ATXN10: variants seen among roughly 807,000 people sequenced by gnomAD.
The protein encoded by ATXN10 is ataxin-10.
Under a neutral mutation model 52.9 loss-of-function variants are expected in ATXN10, and 28 were observed. The observed-to-expected ratio is 0.53, with a 90% confidence interval of 0.39 to 0.73. The LOEUF (loss-of-function observed/expected upper bound fraction) is 0.73. Ranked by LOEUF, ATXN10 falls within the 30% of genes least tolerant of loss-of-function variation. The pLI, the probability that ATXN10 is intolerant of heterozygous loss-of-function variation, is 0.00. For missense variants in ATXN10, 565 were observed against 577.0 expected, an observed-to-expected ratio of 0.98 and a Z score of 0.21; for synonymous variants, 226 against 221.5, an observed-to-expected ratio of 1.02 and a Z score of -0.18.
At chr22:45,685,418 C>A (rs925378083) in intron 1 of ATXN10, among the ~76,000 whole-genome samples, 1 of 152,118 alleles carries the variant, frequency 6.6e-6, no homozygotes, top group African/African-American at 2.4e-5. Context: ...AAGTACTTTC[C>A]GCCTTCTGTG....
Position 45,753,081 on chromosome 22 carries a change from T to A in ATXN10, c.1173+12543T>A, listed in dbSNP as rs1446244092. On this transcript the variant is annotated intron_variant, in intron 9 of 11. Coordinates refer to ENST00000252934, the MANE Select transcript of ATXN10 (RefSeq NM_013236.4). ...TTGTCCATCTTCGTCTTGAGTCATT[T>A]AAGACACTTATTTTCTCTTGGAGAT... 3.3e-5 allele frequency among the ~76,000 whole-genome samples: 5 copies of A among 152,158 alleles called. No homozygotes were observed. The East Asian group carries it at 9.7e-4, about 29-fold the overall frequency.
chr22:45,714,881 T>C (rs1924387903), intron 5 of ATXN10, among the ~76,000 whole-genome samples: 1 of 152,210 alleles, frequency 6.6e-6, no homozygotes, highest in Non-Finnish European at 1.5e-5. Flanking sequence ...AAGGTTGCAG[T>C]GTGGATTCAC....
At position 45,819,292 on chromosome 22, in the gene ATXN10, A is replaced by T. The variant is rs753408705; in HGVS notation, c.1237+12270A>T. On this transcript the variant is annotated intron_variant, in intron 10 of 11. Transcript: ENST00000252934. The surrounding 1 kb of genome is among the most constrained non-coding windows in gnomAD (Gnocchi z 4.5). ...TAACTTTGTATTTTAGAAATTTTGT[A>T]TCTGATGTATAAGATCAGATCATAA... Among the ~76,000 whole-genome samples the T allele has an allele frequency of 6.6e-6, 1 of 152,192 alleles. No homozygotes were observed.
In ATXN10 at chr22:45,718,429, G is replaced by GAC; in HGVS notation, c.665_666dup (p.Leu223ThrfsTer4). On this transcript the variant is annotated frameshift_variant, in exon 6 of 12. Coordinates refer to ENST00000252934, the MANE Select transcript of ATXN10 (RefSeq NM_013236.4). LOFTEE classifies it high-confidence loss of function. This position sits in a 1 kb window ranked among gnomAD's most constrained non-coding sequence, Gnocchi z 4.4. ...TTTCCCTAGGTTCTTGATTATTACA[G>GAC]ACCTCTTTCTGAAAAGCCCGGAATT... The GAC allele has an allele frequency of 1.2e-6, 2 of 1,613,426 alleles. No individual in the cohort carries two copies. Among genetic ancestry groups the GAC allele is most frequent in the Non-Finnish European group, 1.7e-6 (2 of 1,179,560 alleles).
At chr22:45,779,183 C>T (rs1287300236) in intron 9 of ATXN10, among the ~76,000 whole-genome samples, 2 of 152,162 alleles carry the variant, frequency 1.3e-5, no homozygotes, top group Non-Finnish European at 2.9e-5. Context: ...GAAGCAACAC[C>T]TCTATTTCTT....
At chr22:45,832,338 T>C (rs911505501) in intron 10 of ATXN10, among the ~76,000 whole-genome samples, 17 of 152,214 alleles carry the variant, frequency 1.1e-4, no homozygotes, top group Admixed American at 9.8e-4. Context: ...TGTTCCTCCA[T>C]GTGGAGGCGC....
chr22:45,830,694 GAAA>G, intron 10 of ATXN10, among the ~76,000 whole-genome samples: 1 of 115,614 alleles, frequency 8.6e-6, no homozygotes, highest in African/African-American at 3.2e-5. Context: ...TACAAAACAA[GAAA>G]AAAAAAAAAA....
intron 4 of ATXN10, among the ~76,000 whole-genome samples, chr22:45,700,896 A>G (rs1923817090): frequency 6.6e-6 from 1 of 152,238 alleles, no homozygotes; most frequent in South Asian, 2.1e-4. Context: ...GTGAGTAACC[A>G]GTCCATTTAT....
intron 10 of ATXN10, chr22:45,811,708 C>T (rs564125547): frequency 4.2e-6 from 2 of 471,008 alleles, no homozygotes; most frequent in Non-Finnish European, 8.8e-6. Context: ...TGCCACCATC[C>T]AGTCCACACT....
intron 9 of ATXN10, among the ~76,000 whole-genome samples, chr22:45,749,940 A>G (rs1354174673): frequency 6.6e-6 from 1 of 152,032 alleles, no homozygotes; most frequent in African/African-American, 2.4e-5. Context: ...AGCATAATTT[A>G]CCCCATACTG....
Position 45,686,623 on chromosome 22 carries a change from G to A in ATXN10, c.117-3089G>A, listed in dbSNP as rs544581764. Among the ~76,000 whole-genome samples the A allele has an allele frequency of 2.2e-4, 33 of 152,174 alleles. No individual in the cohort carries two copies. In the South Asian group the frequency reaches 6.7e-3, roughly 31 times the overall value. On this transcript the variant is annotated intron_variant, in intron 1 of 11. Coordinates refer to ENST00000252934, the MANE Select transcript of ATXN10 (RefSeq NM_013236.4). ...TCACGAGGTCAGGAGACCGAGACCA[G>A]CCTGACCAAAATGGTGAAACCCTGT...
chr22:45,836,881 A>G (rs1263238281), intron 10 of ATXN10, among the ~76,000 whole-genome samples: 1 of 152,196 alleles, frequency 6.6e-6, no homozygotes, highest in Non-Finnish European at 1.5e-5. Context: ...ACCTTTTTCT[A>G]ACAGGGCAGA....
chr22:45,749,169 C>G (rs373732435), intron 9 of ATXN10, among the ~76,000 whole-genome samples: 36 of 152,338 alleles, frequency 2.4e-4, no homozygotes, highest in African/African-American at 8.4e-4. Flanking sequence ...GCATATTCCT[C>G]CCTAGGCTTT....
intron 9 of ATXN10, among the ~76,000 whole-genome samples, chr22:45,804,055 C>G (rs922471922): frequency 2.6e-5 from 4 of 152,090 alleles, no homozygotes; most frequent in South Asian, 4.2e-4. Flanking sequence ...AAAAATAAAT[C>G]TAAAAAAAGG....
chr22:45,796,054 C>T (rs1225372330), intron 9 of ATXN10, among the ~76,000 whole-genome samples: 2 of 152,230 alleles, frequency 1.3e-5, no homozygotes, highest in Non-Finnish European at 2.9e-5. Flanking sequence ...TCATATTTCT[C>T]TTCTTTCAGA....
In ATXN10 at chr22:45,842,453, T is replaced by C. The variant is rs1260791536; in HGVS notation, c.1238-538T>C. Among the ~76,000 whole-genome samples, 3 of 152,184 alleles carry C rather than the reference T, an allele frequency of 2.0e-5. No individual in the cohort carries two copies. Among genetic ancestry groups the C allele is most frequent in the African/African-American group, 7.2e-5 (3 of 41,444 alleles). On this transcript the variant is annotated intron_variant, in intron 10 of 11. Coordinates refer to ENST00000252934, the MANE Select transcript of ATXN10 (RefSeq NM_013236.4). This position sits in a 1 kb window ranked among gnomAD's most constrained non-coding sequence, Gnocchi z 4.8. Reference sequence around the variant, plus strand: ...CCAGCTTCATCTTTAGAATACTGAATGCGGGAAATTCCACAGTGACTCCTA... The same window carrying C: ...CCAGCTTCATCTTTAGAATACTGAACGCGGGAAATTCCACAGTGACTCCTA...
intron 9 of ATXN10, among the ~76,000 whole-genome samples, chr22:45,778,409 G>A (rs1412828445): frequency 6.6e-6 from 1 of 152,172 alleles, no homozygotes; most frequent in East Asian, 1.9e-4. Flanking sequence ...AATTGTACAT[G>A]CCTCCTAGGG....
chr22:45,835,235 TGCC>T lies in ATXN10; in HGVS notation c.1238-7755_1238-7753del, dbSNP rs1489688887. Among the ~76,000 whole-genome samples the T allele has an allele frequency of 6.6e-6, 1 of 152,146 alleles. No individual in the cohort carries two copies. Among genetic ancestry groups the T allele is most frequent in the Non-Finnish European group, 1.5e-5 (1 of 68,020 alleles). ...ATGGACGGGCTCATGGGTCCTGCTT[TGCC>T]TGGCGTGGGCTCATGGGTCCTGCTT... On this transcript the variant is annotated intron_variant, in intron 10 of 11. Transcript: ENST00000252934. The surrounding 1 kb of genome is among the most constrained non-coding windows in gnomAD (Gnocchi z 5.0).
At chr22:45,706,479 G>T (rs901669733) in intron 5 of ATXN10, among the ~76,000 whole-genome samples, 4 of 152,106 alleles carry the variant, frequency 2.6e-5, no homozygotes, top group Admixed American at 2.0e-4. Context: ...AGTTTCTCAA[G>T]ATGGAAGGTT....
Sources: allele counts gnomAD v4.1 joint callset (sites outside exome capture counted in the v4.1 genomes callset), GRCh38; gene constraint gnomAD v4.1.1; non-coding constraint Gnocchi (gnomAD v3.1); transcripts MANE v1.5; gene names NCBI Gene and HGNC (gene_info 2026-07-23, HGNC 2026-07-21).